Variants in NCKAP5 observed in about 807,000 individuals in gnomAD.
The protein encoded by NCKAP5 is nck-associated protein 5.
Under a neutral mutation model 167.0 loss-of-function variants are expected in NCKAP5, and 92 were observed. The observed-to-expected ratio is 0.55, with a 90% CI of 0.47 to 0.66. The LOEUF is 0.66. Among genes scored for constraint, NCKAP5 ranks in the 30% least tolerant of loss-of-function variants. The pLI is 0.00. For missense variants in NCKAP5, 2,378 were observed against 2,315.0 expected, an observed-to-expected ratio of 1.03 and a Z score of -0.56; for synonymous variants, 891 against 877.4, an observed-to-expected ratio of 1.02 and a Z score of -0.27.
At chr2:133,124,936 C>T (rs890515047) in intron 6 of NCKAP5, among the ~76,000 whole-genome samples, 1 of 152,128 alleles carries the variant, frequency 6.6e-6, no homozygotes, top group Non-Finnish European at 1.5e-5. Flanking sequence ...GTCCCAGCTA[C>T]TTGGGAGGCT....
chr2:133,082,660 T>C (rs1430842758), intron 6 of NCKAP5, among the ~76,000 whole-genome samples: 2 of 152,148 alleles, frequency 1.3e-5, no homozygotes, highest in Non-Finnish European at 2.9e-5. Context: ...CTTTCCTCTT[T>C]TGAGGCACCT....
intron 11 of NCKAP5, among the ~76,000 whole-genome samples, chr2:132,816,541 C>G (rs1160765943): frequency 2.0e-5 from 3 of 152,100 alleles, no homozygotes; most frequent in Non-Finnish European, 4.4e-5. Context: ...GGAGGACTTC[C>G]CTGCTGAGGC....
At position 132,963,833 on chromosome 2, in the gene NCKAP5, C is replaced by A; in HGVS notation, c.466G>T (p.Ala156Ser). 1 of 1,613,884 alleles carries A rather than the reference C, an allele frequency of 6.2e-7. No homozygotes were observed. The highest frequency in any genetic ancestry group is 8.5e-7 in the Non-Finnish European group (1 of 1,179,860). Residue 156 changes from alanine (A) to serine (S), a missense_variant, in exon 8 of 20, where the codon GCT (alanine) becomes TCT (serine). By Grantham distance (99) the Ala-to-Ser change is moderately conservative (BLOSUM62 1). Around this residue, in one of 3 missense-constraint regions of NCKAP5, gnomAD observed 1,049 missense variants for 1,023.4 expected, o/e 1.02. Coordinates refer to ENST00000409261, the MANE Select transcript of NCKAP5 (RefSeq NM_207363.3). The stretch of plus-strand genomic sequence containing the variant: ...ACCACCATGTGAAGATCTTCCAAAG[C>A]TTCCTTATGTTTTCTCTCTTCCTCT... ...LSEEERKHKEALEDLHMVVDE... is the reference protein window; with the variant it reads ...LSEEERKHKESLEDLHMVVDE...
intron 6 of NCKAP5, among the ~76,000 whole-genome samples, chr2:133,026,735 G>T (rs1174724668): frequency 2.6e-5 from 4 of 152,138 alleles, no homozygotes; most frequent in Non-Finnish European, 4.4e-5. Flanking sequence ...TGCTGGCCTC[G>T]AATTCCTTCT....
At chr2:133,242,060 G>C (rs1016177388) in intron 4 of NCKAP5, among the ~76,000 whole-genome samples, 2 of 144,244 alleles carry the variant, frequency 1.4e-5, no homozygotes, top group East Asian at 2.1e-4. Flanking sequence ...AGAGGTTTGC[G>C]TTGAGCCGAG....
At chr2:133,304,717 T>C (rs1242769510) in intron 3 of NCKAP5, among the ~76,000 whole-genome samples, 2 of 152,248 alleles carry the variant, frequency 1.3e-5, no homozygotes, top group Admixed American at 6.5e-5. Flanking sequence ...ACTTAACAAC[T>C]ATTTTTAAAC....
chr2:133,285,653 G>T (rs772214133), intron 4 of NCKAP5, among the ~76,000 whole-genome samples: 1 of 152,072 alleles, frequency 6.6e-6, no homozygotes, highest in African/African-American at 2.4e-5. Flanking sequence ...TATAATGCAC[G>T]TATCACCATC....
intron 3 of NCKAP5, among the ~76,000 whole-genome samples, chr2:133,392,587 A>G (rs1687486371): frequency 6.6e-6 from 1 of 152,182 alleles, no homozygotes; most frequent in Admixed American, 6.5e-5. Flanking sequence ...TTTTGTCTTT[A>G]TATATTTCAC....
chr2:132,801,952 C>G (rs556243747), intron 11 of NCKAP5, among the ~76,000 whole-genome samples: 1 of 152,098 alleles, frequency 6.6e-6, no homozygotes, highest in Non-Finnish European at 1.5e-5. Flanking sequence ...GAGCCTTTGG[C>G]TATTTAGTAG....
chr2:133,083,315 C>T (rs75264466), intron 6 of NCKAP5, among the ~76,000 whole-genome samples: 2 of 152,076 alleles, frequency 1.3e-5, no homozygotes, highest in Non-Finnish European at 2.9e-5. Context: ...ACACAGCTTC[C>T]TTGAAGGTTT....
intron 4 of NCKAP5, among the ~76,000 whole-genome samples, chr2:133,302,816 T>A (rs1256024784): frequency 6.6e-6 from 1 of 151,672 alleles, no homozygotes; most frequent in Admixed American, 6.6e-5. Context: ...AATAAATAAA[T>A]AAATAAATAA....
intron 6 of NCKAP5, among the ~76,000 whole-genome samples, chr2:133,075,591 C>A (rs568826439): frequency 2.6e-5 from 4 of 152,018 alleles, no homozygotes; most frequent in South Asian, 2.1e-4. Context: ...TGCAAAGGAC[C>A]TACATAGTTA....
chr2:133,587,269 G>T, the NCKAP5 span, among the ~76,000 whole-genome samples: 2 of 152,116 alleles, frequency 1.3e-5, no homozygotes, highest in East Asian at 3.9e-4. Flanking sequence ...CCTCAGGCCT[G>T]CAAAATGGAG....
At chr2:133,132,511 ACACAC>A (rs1176528316) in intron 5 of NCKAP5, among the ~76,000 whole-genome samples, 3 of 150,474 alleles carry the variant, frequency 2.0e-5, no homozygotes, top group Admixed American at 1.3e-4. Context: ...ACACACACAC[ACACAC>A]AAACCCTGAT....
At chr2:133,603,751 G>A in the NCKAP5 span, among the ~76,000 whole-genome samples, 1 of 151,892 alleles carries the variant, frequency 6.6e-6, no homozygotes, top group Admixed American at 6.6e-5. Context: ...TGGTCAGGCT[G>A]GTCTTGAACT....
intron 3 of NCKAP5, among the ~76,000 whole-genome samples, chr2:133,481,821 A>C (rs1289755227): frequency 6.6e-6 from 1 of 152,054 alleles, no homozygotes; most frequent in Non-Finnish European, 1.5e-5. Context: ...CATTTTCTTT[A>C]TCCAGTCTAT....
chr2:133,484,396 C>A (rs1680722975), intron 3 of NCKAP5, among the ~76,000 whole-genome samples: 1 of 152,136 alleles, frequency 6.6e-6, no homozygotes, highest in South Asian at 2.1e-4. Context: ...TTCCCTAGAG[C>A]CACCTGGTGT....
At chr2:133,595,730 C>T in the NCKAP5 span, among the ~76,000 whole-genome samples, 8 of 152,054 alleles carry the variant, frequency 5.3e-5, no homozygotes, top group South Asian at 2.1e-4. Flanking sequence ...CTTTGTGGGC[C>T]ATACAGTCTC....
At chr2:133,555,508 G>A (rs1687681440) in intron 2 of NCKAP5, among the ~76,000 whole-genome samples, 1 of 152,212 alleles carries the variant, frequency 6.6e-6, no homozygotes, top group Admixed American at 6.5e-5. Context: ...ATTGTCTGAG[G>A]ACTTCCAGGG....
Sources: gnomAD v4.1 joint callset for allele counts (sites outside exome capture counted in the v4.1 genomes callset) on GRCh38, gnomAD v4.1.1 for gene constraint, gnomAD v4.1.1 regional missense constraint, MANE v1.5 for transcripts, NCBI Gene and HGNC (gene_info 2026-07-23, HGNC 2026-07-21) for gene names.